Variants in SPRED1 observed in about 807,000 individuals in gnomAD.
SPRED1 encodes the protein sprouty-related, EVH1 domain-containing protein 1.
A neutral mutation model predicts 52.3 loss-of-function variants in SPRED1; 18 were observed. That is an observed-to-expected ratio of 0.34 (90% CI 0.24 to 0.51). SPRED1 has a LOEUF of 0.51. SPRED1 is among the 20% of genes least tolerant of loss of function. The pLI, the probability that SPRED1 is intolerant of heterozygous loss-of-function variation, is 0.97. For synonymous variants in SPRED1, 155 were observed against 179.7 expected, an observed-to-expected ratio of 0.86 and a Z score of 1.10; for missense variants, 485 against 551.0, an observed-to-expected ratio of 0.88 and a Z score of 1.20.
At chr15:38,323,016 C>T (rs1459375862) in intron 3 of SPRED1, among the ~76,000 whole-genome samples, 1 of 152,006 alleles carries the variant, frequency 6.6e-6, no homozygotes, top group African/African-American at 2.4e-5. Flanking sequence ...ACAAAAATCA[C>T]ATTAAAACCC....
intron 1 of SPRED1, among the ~76,000 whole-genome samples, chr15:38,292,648 C>G (rs2140973174): frequency 1.3e-5 from 2 of 152,250 alleles, no homozygotes; most frequent in East Asian, 3.9e-4. Context: ...ATGAGAATAG[C>G]ACAGGAAAGA....
chr15:38,281,789 A>C (rs575555773), intron 1 of SPRED1, among the ~76,000 whole-genome samples: 5 of 152,208 alleles, frequency 3.3e-5, no homozygotes, highest in Non-Finnish European at 7.4e-5. Flanking sequence ...TATAAAATAC[A>C]TAGCTTTAGA....
intron 3 of SPRED1, among the ~76,000 whole-genome samples, chr15:38,324,199 T>C (rs1895663181): frequency 6.6e-6 from 1 of 152,128 alleles, no homozygotes; most frequent in South Asian, 2.1e-4. Flanking sequence ...CTAGGACAAA[T>C]CCTTTCTTAT....
At chr15:38,279,475 A>G (rs989840799) in intron 1 of SPRED1, among the ~76,000 whole-genome samples, 1 of 152,320 alleles carries the variant, frequency 6.6e-6, no homozygotes, top group African/African-American at 2.4e-5. Flanking sequence ...ATCTCAATCA[A>G]AAGAGGATGT....
At chr15:38,270,654 C>T (rs771161238) in intron 1 of SPRED1, among the ~76,000 whole-genome samples, 10 of 152,076 alleles carry the variant, frequency 6.6e-5, no homozygotes, top group Admixed American at 2.6e-4. Flanking sequence ...ACAAGAACAG[C>T]GAGGGGGTAG....
intron 1 of SPRED1, among the ~76,000 whole-genome samples, chr15:38,258,893 A>T (rs1894154429): frequency 6.6e-6 from 1 of 152,076 alleles, no homozygotes; most frequent in South Asian, 2.1e-4. Context: ...AAATTGGGAG[A>T]TGGATTTCTT....
chr15:38,353,510 A>G lies in SPRED1; in HGVS notation c.*1846A>G, dbSNP rs1265353015. ...TTTGTACTAAAAATCAATTGGATGA[A>G]CTAAATCCAAAACATGACACTGTAG... On this transcript the variant is annotated 3_prime_UTR_variant, in exon 7 of 7. Transcript: ENST00000299084. 1 of 152,550 alleles carries G rather than the reference A, an allele frequency of 6.6e-6. No homozygotes were observed. 9.4% of individuals were successfully genotyped at this position (152,550 alleles called of 1,614,324 possible).
chr15:38,253,588 C>G (rs941125181), intron 1 of SPRED1, among the ~76,000 whole-genome samples: 8 of 152,112 alleles, frequency 5.3e-5, no homozygotes, highest in Non-Finnish European at 1.2e-4. Context: ...ATCCTACTTC[C>G]TTTATAGCTG....
chr15:38,284,036 A>G (rs1380018681), intron 1 of SPRED1, among the ~76,000 whole-genome samples: 3 of 152,180 alleles, frequency 2.0e-5, no homozygotes, highest in Non-Finnish European at 2.9e-5. Flanking sequence ...TTCTGCTACT[A>G]AGAGATAGCC....
At chr15:38,323,880 C>T (rs976481301) in intron 3 of SPRED1, among the ~76,000 whole-genome samples, 5 of 152,116 alleles carry the variant, frequency 3.3e-5, no homozygotes, top group African/African-American at 4.8e-5. Flanking sequence ...ATACCTCTTT[C>T]ACTAGGATCA....
chr15:38,325,123 G>A (rs1388254181), intron 4 of SPRED1, among the ~76,000 whole-genome samples: 6 of 151,866 alleles, frequency 4.0e-5, no homozygotes, highest in East Asian at 1.9e-4. Context: ...CTGAGCCACC[G>A]TGCCTGGCCC....
chr15:38,275,676 T>G (rs7180775), intron 1 of SPRED1, among the ~76,000 whole-genome samples: 33,918 of 152,022 alleles, frequency 0.22, 4,005 homozygotes, highest in Middle Eastern at 0.33. Flanking sequence ...TTTTGTATTT[T>G]CAGTAGCGAC....
At chr15:38,307,962 A>C (rs570120894) in intron 2 of SPRED1, among the ~76,000 whole-genome samples, 1 of 152,138 alleles carries the variant, frequency 6.6e-6, no homozygotes, top group Non-Finnish European at 1.5e-5. Flanking sequence ...GAAGCTCTTC[A>C]TGCAGCTTTT....
chr15:38,341,427 C>A (rs1427828630), intron 5 of SPRED1, among the ~76,000 whole-genome samples: 2 of 150,268 alleles, frequency 1.3e-5, no homozygotes, highest in African/African-American at 2.4e-5. Flanking sequence ...TTTTTTCTCT[C>A]TTTTTCTAAT....
intron 2 of SPRED1, among the ~76,000 whole-genome samples, chr15:38,320,784 C>G (rs1895585672): frequency 6.6e-6 from 1 of 152,042 alleles, no homozygotes; most frequent in African/African-American, 2.4e-5. Flanking sequence ...TAGTTCTAGT[C>G]TTTTTATTAG....
rs1478682027 is a variant in SPRED1, at chr15:38,339,399, C to G, written c.424-338C>G. Among the ~76,000 whole-genome samples the G allele has an allele frequency of 2.0e-5, 3 of 152,234 alleles. No individual in the cohort carries two copies. The East Asian group carries it at 5.8e-4, about 29-fold the overall frequency. On this transcript the variant is annotated intron_variant, in intron 4 of 6. Transcript: ENST00000299084. ...ATTTGTGTTTTCTTCCTAATAATTTCTGCATTTCCTATGTACATTTATCAC... is the reference window on the plus strand; with the variant it reads ...ATTTGTGTTTTCTTCCTAATAATTTGTGCATTTCCTATGTACATTTATCAC...
intron 1 of SPRED1, among the ~76,000 whole-genome samples, chr15:38,259,157 T>A (rs1328547241): frequency 1.3e-5 from 2 of 152,168 alleles, no homozygotes. Flanking sequence ...TGGAAACAAT[T>A]GGTATATTAA....
At chr15:38,258,440 A>T (rs1313650659) in intron 1 of SPRED1, among the ~76,000 whole-genome samples, 2 of 152,038 alleles carry the variant, frequency 1.3e-5, no homozygotes, top group African/African-American at 4.8e-5. Flanking sequence ...CTATTGTTGG[A>T]TATTTTAGTT....
In SPRED1 at chr15:38,277,773, A is replaced by C. The variant is rs576405161; in HGVS notation, c.33-21600A>C. 1.3e-3 allele frequency among the ~76,000 whole-genome samples: 198 copies of C among 152,242 alleles called. 3 individuals are homozygous for C. Among genetic ancestry groups the C allele is most frequent in the Non-Finnish European group, 9.3e-4 (63 of 68,016 alleles). On this transcript the variant is annotated intron_variant, in intron 1 of 6. Transcript: ENST00000299084. The stretch of plus-strand genomic sequence containing the variant: ...CCCTTTTCTTCATATCCTTGCCAGC[A>C]TCTGTTATTTTTTGACTTTTTAAGA...
Sources: gnomAD v4.1 joint callset for allele counts (sites outside exome capture counted in the v4.1 genomes callset) on GRCh38, gnomAD v4.1.1 for gene constraint, MANE v1.5 for transcripts, NCBI Gene and HGNC (gene_info 2026-07-23, HGNC 2026-07-21) for gene names.